Variants in DPYSL2 observed in about 807,000 individuals in gnomAD.
DPYSL2 encodes dihydropyrimidinase-related protein 2.
Under a neutral mutation model 69.9 loss-of-function variants are expected in DPYSL2, and 13 were observed. The observed-to-expected ratio is 0.19, with a 90% CI of 0.12 to 0.30. The LOEUF (loss-of-function observed/expected upper bound fraction) is 0.30, where lower values mean the gene tolerates loss of function less well. Ranked by LOEUF, DPYSL2 falls within the 10% of genes least tolerant of loss-of-function variation. DPYSL2 has a pLI of 1.00. For synonymous variants in DPYSL2, 326 were observed against 359.1 expected, an observed-to-expected ratio of 0.91 and a Z score of 1.04; for missense variants, 587 against 918.9, an observed-to-expected ratio of 0.64 and a Z score of 4.67.
intron 1 of DPYSL2, among the ~76,000 whole-genome samples, chr8:26,574,572 T>A (rs1335984839): frequency 6.6e-6 from 1 of 152,200 alleles, no homozygotes; most frequent in Non-Finnish European, 1.5e-5. Flanking sequence ...GAAGGGGCTG[T>A]GATTGCGGAA....
At chr8:26,536,706 A>C (rs991821072) in intron 1 of DPYSL2, among the ~76,000 whole-genome samples, 1 of 152,156 alleles carries the variant, frequency 6.6e-6, no homozygotes, top group Non-Finnish European at 1.5e-5. Flanking sequence ...ACAGTAAATT[A>C]TTAGGTGGGC....
intron 7 of DPYSL2, 109 bp from the exon 8 acceptor site, chr8:26,634,671 A>G (rs1802859640): frequency 7.0e-6 from 11 of 1,574,546 alleles, no homozygotes; most frequent in African/African-American, 1.3e-5. Flanking sequence ...AGGACCTTGG[A>G]GACCAGCAGC....
At chr8:26,557,506 T>C (rs1801006796) in intron 1 of DPYSL2, among the ~76,000 whole-genome samples, 1 of 151,394 alleles carries the variant, frequency 6.6e-6, no homozygotes, top group Non-Finnish European at 1.5e-5. Context: ...AGAACAGGCA[T>C]GGTGGCTTAT....
At chr8:26,545,874 T>C (rs1318963956) in intron 1 of DPYSL2, among the ~76,000 whole-genome samples, 1 of 152,366 alleles carries the variant, frequency 6.6e-6, no homozygotes, top group East Asian at 1.9e-4. Flanking sequence ...CTTCCCTTGA[T>C]CTGTTTGTCT....
At chr8:26,543,714 C>A (rs942898186) in intron 1 of DPYSL2, among the ~76,000 whole-genome samples, 2 of 152,066 alleles carry the variant, frequency 1.3e-5, no homozygotes, top group Non-Finnish European at 2.9e-5. Context: ...CTCGAACTAC[C>A]GACTTCAGGT....
chr8:26,624,284 T>C lies in DPYSL2; in HGVS notation c.770T>C (p.Met257Thr), dbSNP rs1802566608. The C allele has an allele frequency of 3.1e-6, 5 of 1,614,058 alleles. No homozygotes were observed. The highest frequency in any genetic ancestry group is 2.2e-5 in the South Asian group (2 of 91,090). The change falls in exon 4 of 14, where the codon ATG (methionine) becomes ACG (threonine). Residue 257 changes from methionine (M) to threonine (T), a missense_variant. Transcript: ENST00000521913. This position sits in a 1 kb window ranked among gnomAD's most constrained non-coding sequence, Gnocchi z 4.7. ...SEWHKGIQEE[M>T]EALVKDHGVN... is the part of the protein sequence containing the mutation. ...TGGCATAAGGGCATCCAGGAGGAGA[T>C]GGAAGCGCTTGTGAAGGATCACGGT... is the stretch of plus-strand genomic sequence containing the variant.
chr8:26,643,891 G>C lies in DPYSL2; in HGVS notation c.1284-59G>C. On this transcript the variant is annotated intron_variant, in intron 9 of 13. Transcript: ENST00000521913. This position sits in a 1 kb window ranked among gnomAD's most constrained non-coding sequence, Gnocchi z 6.5. ...ATTCATGAGACAGCCCACCAAATAG[G>C]TGTAGGCGCACAGCATCTTGACGAA... is the stretch of plus-strand genomic sequence containing the variant. 2 of 1,569,040 alleles carry C rather than the reference G, an allele frequency of 1.3e-6. No individual in the cohort carries two copies. The highest frequency in any genetic ancestry group is 1.7e-6 in the Non-Finnish European group (2 of 1,154,880).
In DPYSL2 at chr8:26,516,317, T is replaced by TTGAG. The variant is rs1808289532; in HGVS notation, c.354+1639_354+1640insGAGT. ...AGCTGAGTGAGTGTGTGTGAAACAC[T>TTGAG]TCCCTGTGTGAGTACATTGAGTGAG... On this transcript the variant is annotated intron_variant, in intron 1 of 13. Coordinates refer to ENST00000521913, the MANE Select transcript of DPYSL2 (RefSeq NM_001197293.3). This position sits in a 1 kb window ranked among gnomAD's most constrained non-coding sequence, Gnocchi z 4.8. Among the ~76,000 whole-genome samples, 1 of 152,244 alleles carries TTGAG rather than the reference T, an allele frequency of 6.6e-6. No homozygotes were observed. Among genetic ancestry groups the TTGAG allele is most frequent in the Non-Finnish European group, 1.5e-5 (1 of 68,048 alleles).
intron 1 of DPYSL2, among the ~76,000 whole-genome samples, chr8:26,522,454 T>G (rs975306301): frequency 3.3e-5 from 5 of 152,278 alleles, no homozygotes; most frequent in African/African-American, 1.2e-4. Flanking sequence ...TGTACCATTT[T>G]GCGTTGCCAC....
At chr8:26,577,900 C>T (rs1801392598) in intron 1 of DPYSL2, 4 of 1,146,306 alleles carry the variant, frequency 3.5e-6, no homozygotes, top group African/African-American at 1.7e-5. Context: ...AAGGGAGTGG[C>T]TGGCGGCGCA....
rs17055451 is a variant in DPYSL2 at position 26,560,447 on chromosome 8, T to A, written c.355-21522T>A. ...GCACCTATCTGCAGGTCTGGGAAGG[T>A]CTGGACCTCCATTTACTCGATGTTG... is the stretch of plus-strand genomic sequence containing the variant. On this transcript the variant is annotated intron_variant, in intron 1 of 13. Coordinates refer to ENST00000521913, the MANE Select transcript of DPYSL2 (RefSeq NM_001197293.3). The surrounding 1 kb of genome is among the most constrained non-coding windows in gnomAD (Gnocchi z 4.4). 0.013 allele frequency among the ~76,000 whole-genome samples: 2,006 copies of A among 152,314 alleles called. 21 individuals carry two copies. Among genetic ancestry groups the A allele is most frequent in the Middle Eastern group, 0.075 (22 of 294 alleles).
Position 26,514,482 on chromosome 8 carries a change from G to T in DPYSL2, c.157G>T (p.Asp53Tyr). Residue 53 changes from aspartate to tyrosine, a missense_variant, in exon 1 of 14, where the codon GAC (aspartate) becomes TAC (tyrosine). By Grantham distance (160) the Asp-to-Tyr change is radical (BLOSUM62 -3). This residue lies in a region of DPYSL2 where 50 missense variants were observed against 86.8 expected (regional missense o/e 0.58). Transcript: ENST00000521913. This position sits in a 1 kb window ranked among gnomAD's most constrained non-coding sequence, Gnocchi z 8.4. ...CTCGGAGAACAAGACCATCGACTTC[G>T]ACTCGCTGTCGGTGGGCCGGGGCTC... ...GSSENKTIDF[D>Y]SLSVGRGSGQ... 1 of 1,528,696 alleles carries T rather than the reference G, an allele frequency of 6.5e-7. No individual in the cohort carries two copies. The highest frequency in any genetic ancestry group is 1.2e-5 in the South Asian group (1 of 82,526). 94.7% of individuals were successfully genotyped at this position (1,528,696 alleles called of 1,614,324 possible). A position where few individuals can be genotyped will look rare whatever the true frequency, so the allele number is the denominator to read the frequency against.
At chr8:26,639,534 A>G (rs937320188) in intron 8 of DPYSL2, among the ~76,000 whole-genome samples, 1 of 152,228 alleles carries the variant, frequency 6.6e-6, no homozygotes, top group Non-Finnish European at 1.5e-5. Flanking sequence ...TCAGCTCTGC[A>G]TCTATGGGAC....
At position 26,546,401 on chromosome 8, in the gene DPYSL2, C is replaced by T. The variant is rs75253304; in HGVS notation, c.354+31722C>T. Among the ~76,000 whole-genome samples, 826 of 152,140 alleles carry T rather than the reference C, an allele frequency of 5.4e-3. 7 individuals carry two copies. The highest frequency in any genetic ancestry group is 0.019 in the African/African-American group (775 of 41,500). On this transcript the variant is annotated intron_variant, in intron 1 of 13. Coordinates refer to ENST00000521913, the MANE Select transcript of DPYSL2 (RefSeq NM_001197293.3). Reference sequence around the variant, plus strand: ...CAGTTTTTTTGTTGATTGTTTTAGACCTTCTACATAGATGATTACACCATC... The same window carrying T: ...CAGTTTTTTTGTTGATTGTTTTAGATCTTCTACATAGATGATTACACCATC...
Position 26,572,354 on chromosome 8 carries a change from C to T in DPYSL2, c.355-9615C>T, listed in dbSNP as rs77313323. On this transcript the variant is annotated intron_variant, in intron 1 of 13. Coordinates refer to ENST00000521913, the MANE Select transcript of DPYSL2 (RefSeq NM_001197293.3). ...GCACTGGAGTTATGTCTGCATCTCCCCAGCCCCACTTCCCTGCAGTTTGGA... is the reference window on the plus strand; with the variant it reads ...GCACTGGAGTTATGTCTGCATCTCCTCAGCCCCACTTCCCTGCAGTTTGGA... Among the ~76,000 whole-genome samples, 989 of 152,286 alleles carry T rather than the reference C, an allele frequency of 6.5e-3. 43 individuals are homozygous for T. In the East Asian group the frequency reaches 0.14, roughly 21 times the overall value.
At chr8:26,615,281 T>G (rs1802319096) in intron 3 of DPYSL2, among the ~76,000 whole-genome samples, 1 of 152,134 alleles carries the variant, frequency 6.6e-6, no homozygotes, top group African/African-American at 2.4e-5. Flanking sequence ...GCTGAATAAA[T>G]CAGAATGGTT....
At chr8:26,594,675 T>C (rs1801817896) in intron 3 of DPYSL2, among the ~76,000 whole-genome samples, 1 of 152,196 alleles carries the variant, frequency 6.6e-6, no homozygotes. Context: ...TCTGTATATA[T>C]CTATTGTTTA....
intron 1 of DPYSL2, chr8:26,577,801 C>T (rs1043614149): frequency 1.1e-4 from 108 of 993,194 alleles, no homozygotes; most frequent in Non-Finnish European, 1.3e-4. Flanking sequence ...GCGCCGCGCC[C>T]CGCCCCACCG....
chr8:26,630,496 G>C (rs139377311), intron 7 of DPYSL2, among the ~76,000 whole-genome samples: 9 of 152,198 alleles, frequency 5.9e-5, no homozygotes, highest in Non-Finnish European at 2.9e-5. Context: ...CGTGAGCCCT[G>C]TTCAAAGCTG....
Sources: allele counts gnomAD v4.1 joint callset (sites outside exome capture counted in the v4.1 genomes callset), GRCh38; gene constraint gnomAD v4.1.1; regional missense constraint gnomAD v4.1.1; non-coding constraint Gnocchi (gnomAD v3.1); transcripts MANE v1.5; gene names NCBI Gene and HGNC (gene_info 2026-07-23, HGNC 2026-07-21).